EXPH5: variants seen among roughly 807,000 people sequenced by gnomAD.
The protein encoded by EXPH5 is exophilin 5, also known as exophilin-5.
EXPH5 carries 42 observed loss-of-function variants against 41.1 expected under a neutral mutation model. That is an observed-to-expected ratio of 1.02 (90% confidence interval 0.80 to 1.32). The LOEUF (loss-of-function observed/expected upper bound fraction) is 1.32. EXPH5 is among the 40% of genes most tolerant of loss of function. EXPH5 has a pLI of 0.00. For missense variants in EXPH5, 2,298 were observed against 2,314.5 expected (o/e 0.99, Z 0.15); for synonymous variants, 798 against 833.5 (o/e 0.96, Z 0.73).
At chr11:108,518,875 T>C in intron 4 of EXPH5, among the ~76,000 whole-genome samples, 1 of 152,084 alleles carries the variant, frequency 6.6e-6, no homozygotes, top group South Asian at 2.1e-4. Flanking sequence ...AAGACTGACC[T>C]CTCTGGTCGT....
chr11:108,550,439 C>A (rs922509965), intron 1 of EXPH5, among the ~76,000 whole-genome samples: 1 of 152,102 alleles, frequency 6.6e-6, no homozygotes, highest in African/African-American at 2.4e-5. Flanking sequence ...AATGGCTAGC[C>A]CACGGAATGG....
At chr11:108,521,336 T>C (rs1429719387) in intron 4 of EXPH5, among the ~76,000 whole-genome samples, 1 of 152,192 alleles carries the variant, frequency 6.6e-6, no homozygotes, top group African/African-American at 2.4e-5. Context: ...TCACTCCTGC[T>C]TGTTTTCTTT....
At chr11:108,577,393 CATTTTATTTT>C (rs897996726) in intron 1 of EXPH5, among the ~76,000 whole-genome samples, 11 of 151,734 alleles carry the variant, frequency 7.2e-5, no homozygotes, top group Non-Finnish European at 1.2e-4. Flanking sequence ...TGATAATAGC[CATTTTATTTT>C]ATTTTATTTT....
chr11:108,515,377 G>C (rs2093717733), intron 5 of EXPH5, among the ~76,000 whole-genome samples: 2 of 150,168 alleles, frequency 1.3e-5, no homozygotes, highest in African/African-American at 5.0e-5. Flanking sequence ...TCTGTAAGTA[G>C]CATATGATTT....
intron 3 of EXPH5, among the ~76,000 whole-genome samples, chr11:108,535,644 T>G (rs1031258742): frequency 1.3e-5 from 2 of 152,194 alleles, no homozygotes; most frequent in Non-Finnish European, 2.9e-5. Flanking sequence ...GCCCTTTTAA[T>G]TTTCCAAAAT....
chr11:108,560,361 C>A (rs1293087143), intron 1 of EXPH5, among the ~76,000 whole-genome samples: 1 of 152,232 alleles, frequency 6.6e-6, no homozygotes, highest in Non-Finnish European at 1.5e-5. Flanking sequence ...ATGATTGCTG[C>A]CTTTTCCAAT....
At chr11:108,548,036 G>A (rs1457485460) in intron 1 of EXPH5, among the ~76,000 whole-genome samples, 1 of 149,292 alleles carries the variant, frequency 6.7e-6, no homozygotes, top group Non-Finnish European at 1.5e-5. Flanking sequence ...TTAAACCCAG[G>A]AGGCGGAGGT....
At chr11:108,528,013 A>C (rs369058398) in intron 4 of EXPH5, 123 bp downstream of exon 4, 7 of 630,874 alleles carry the variant, frequency 1.1e-5, no homozygotes, top group Non-Finnish European at 2.0e-5. Context: ...TTAGGGAGAA[A>C]TCCAAGCTTC....
Position 108,541,796 on chromosome 11 carries a change from T to C in EXPH5, c.136A>G (p.Lys46Glu). 1 of 1,598,244 alleles carries C rather than the reference T, an allele frequency of 6.3e-7. No individual in the cohort carries two copies. Among genetic ancestry groups the C allele is most frequent in the South Asian group, 1.1e-5 (1 of 86,994 alleles). The change falls in exon 2 of 6, where the codon AAG (lysine) becomes GAG (glutamate). Residue 46 changes from lysine (K) to glutamate (E), a missense_variant. By Grantham distance (56) the Lys-to-Glu change is moderately conservative (BLOSUM62 1). Transcript: ENST00000265843. ...CCCTGAAGCCATCTGATATCCCTCTTTGTCTTCTGAAGTTTGCTGAAATAA... is the reference window on the plus strand; with the variant it reads ...CCCTGAAGCCATCTGATATCCCTCTCTGTCTTCTGAAGTTTGCTGAAATAA... Reference protein sequence around the residue: ...KDRISKLQKTKRDIRWLQGVT... With the variant: ...KDRISKLQKTERDIRWLQGVT...
intron 5 of EXPH5, 79 bp downstream of exon 5, chr11:108,518,156 G>A (rs2093739153): frequency 7.9e-7 from 1 of 1,265,094 alleles, no homozygotes; most frequent in Non-Finnish European, 1.1e-6. Flanking sequence ...TATGTTTTGA[G>A]TAGTTTGATA....
chr11:108,591,586 AT>A (rs2094127668), intron 1 of EXPH5, among the ~76,000 whole-genome samples: 2 of 152,266 alleles, frequency 1.3e-5, no homozygotes, highest in Admixed American at 1.3e-4. Flanking sequence ...AATAATTAGT[AT>A]AATACAGTAT....
chr11:108,550,965 C>T, intron 1 of EXPH5, among the ~76,000 whole-genome samples: 1 of 152,032 alleles, frequency 6.6e-6, no homozygotes, highest in East Asian at 1.9e-4. Flanking sequence ...CTTATAAAGC[C>T]GAAAGAGGTC....
At chr11:108,590,388 T>C (rs2094124645) in intron 1 of EXPH5, among the ~76,000 whole-genome samples, 1 of 152,224 alleles carries the variant, frequency 6.6e-6, no homozygotes, top group Non-Finnish European at 1.5e-5. Flanking sequence ...GTTTGAATCT[T>C]GGTGTTTTTC....
At chr11:108,553,696 T>C (rs1242885449) in intron 1 of EXPH5, among the ~76,000 whole-genome samples, 2 of 152,202 alleles carry the variant, frequency 1.3e-5, no homozygotes, top group African/African-American at 4.8e-5. Flanking sequence ...CCCAGACTCA[T>C]GGTCGATCAA....
chr11:108,525,937 C>T (rs1293425305), intron 4 of EXPH5, among the ~76,000 whole-genome samples: 5 of 131,150 alleles, frequency 3.8e-5, no homozygotes, highest in African/African-American at 1.5e-4. Flanking sequence ...TTTTTTGAGA[C>T]AGGATATCTC....
chr11:108,513,999 G>C lies in EXPH5; in HGVS notation c.1508C>G (p.Ser503Cys). The C allele has an allele frequency of 2.5e-6, 4 of 1,613,324 alleles. No individual in the cohort carries two copies. Among genetic ancestry groups the C allele is most frequent in the Non-Finnish European group, 3.4e-6 (4 of 1,179,732 alleles). Residue 503 changes from serine to cysteine, a missense_variant, in exon 6 of 6, where the codon TCT (serine) becomes TGT (cysteine). Physicochemically the swap from Ser to Cys is moderately radical, Grantham distance 112. Coordinates refer to ENST00000265843, the MANE Select transcript of EXPH5 (RefSeq NM_015065.3). ...GGAAATCATTTCAAAGTCTCTGTCA[G>C]AAGAACTGAATGATTTCCTGCTTCG... ...FHRSRKSFSS[S>C]DRDFEMISME...
chr11:108,544,579 G>A (rs1371990126), intron 1 of EXPH5, among the ~76,000 whole-genome samples: 3 of 152,160 alleles, frequency 2.0e-5, no homozygotes, highest in African/African-American at 4.8e-5. Flanking sequence ...TCTGGCCAAT[G>A]AAGCCAGAAA....
chr11:108,562,092 T>C (rs2094014300), intron 1 of EXPH5, among the ~76,000 whole-genome samples: 1 of 152,144 alleles, frequency 6.6e-6, no homozygotes, highest in Non-Finnish European at 1.5e-5. Context: ...CACCCATCCC[T>C]TGAGGAAACT....
At chr11:108,565,243 T>C (rs1222990011) in intron 1 of EXPH5, among the ~76,000 whole-genome samples, 1 of 152,172 alleles carries the variant, frequency 6.6e-6, no homozygotes, top group African/African-American at 2.4e-5. Flanking sequence ...ATACCTTTGC[T>C]GATTATTTTA....
Sources: gnomAD v4.1 joint callset for allele counts (sites outside exome capture counted in the v4.1 genomes callset) on GRCh38, gnomAD v4.1.1 for gene constraint, MANE v1.5 for transcripts, NCBI Gene and HGNC (gene_info 2026-07-23, HGNC 2026-07-21) for gene names.